Variants in CTNNA2 observed in about 807,000 individuals in gnomAD.
The protein encoded by CTNNA2 is catenin alpha-2.
CTNNA2 carries 42 observed loss-of-function variants against 101.0 expected under a neutral mutation model. The observed-to-expected ratio is 0.42, with a 90% CI of 0.32 to 0.54. The LOEUF (loss-of-function observed/expected upper bound fraction) is 0.54. Ranked by LOEUF, CTNNA2 falls within the 20% of genes least tolerant of loss-of-function variation. CTNNA2 has a pLI of 0.14. For missense variants in CTNNA2, 871 were observed against 1,223.1 expected, an observed-to-expected ratio of 0.71 and a Z score of 4.29; for synonymous variants, 450 against 456.4, an observed-to-expected ratio of 0.99 and a Z score of 0.18.
rs541719830 is a variant in CTNNA2, at chr2:80,029,144, A to G, written c.1056+119347A>G. On this transcript the variant is annotated intron_variant, in intron 7 of 18. Coordinates refer to ENST00000402739, the MANE Select transcript of CTNNA2 (RefSeq NM_001282597.3). ...TTTGAGGTCTATTATAATGGATACT[A>G]TGACTACTACTGCTACTACGATTAC... Among the ~76,000 whole-genome samples the G allele has an allele frequency of 2.5e-4, 38 of 152,338 alleles. 2 individuals are homozygous for G. In the South Asian group the frequency reaches 7.9e-3, roughly 32 times the overall value.
intron 4 of CTNNA2, among the ~76,000 whole-genome samples, chr2:79,441,359 T>C (rs1051780452): frequency 1.3e-5 from 2 of 152,196 alleles, no homozygotes; most frequent in Non-Finnish European, 2.9e-5. Flanking sequence ...TTTTATGGTT[T>C]CATGCAGTAT....
intron 2 of CTNNA2, among the ~76,000 whole-genome samples, chr2:79,198,917 A>T (rs570060316): frequency 6.6e-6 from 1 of 152,354 alleles, no homozygotes; most frequent in African/African-American, 2.4e-5. Flanking sequence ...AACTGGTAAG[A>T]TGTTACAATC....
chr2:79,353,956 C>T (rs1054079863), intron 3 of CTNNA2, among the ~76,000 whole-genome samples: 1 of 151,912 alleles, frequency 6.6e-6, no homozygotes, highest in Non-Finnish European at 1.5e-5. Context: ...AAATTAAATT[C>T]TTGGTTGGAA....
chr2:79,829,744 G>A (rs62140158), intron 3 of CTNNA2, among the ~76,000 whole-genome samples: 405 of 146,082 alleles, frequency 2.8e-3, no homozygotes, highest in Middle Eastern at 0.011. Context: ...TTTTGAGACG[G>A]AGTCTCGCTC....
At chr2:79,982,026 A>G (rs1057169296) in intron 7 of CTNNA2, among the ~76,000 whole-genome samples, 2 of 138,502 alleles carry the variant, frequency 1.4e-5, no homozygotes, top group Non-Finnish European at 3.2e-5. Context: ...GGTTCATGGT[A>G]GTGTTTTGTT....
intron 7 of CTNNA2, among the ~76,000 whole-genome samples, chr2:80,104,528 T>C (rs998126516): frequency 7.2e-5 from 11 of 152,162 alleles, no homozygotes; most frequent in African/African-American, 2.7e-4. Context: ...CAGAATACAA[T>C]TTTGTTTGTT....
chr2:80,291,911 T>G (rs1675296502), intron 7 of CTNNA2, among the ~76,000 whole-genome samples: 1 of 152,066 alleles, frequency 6.6e-6, no homozygotes, highest in African/African-American at 2.4e-5. Context: ...CAGAACAAAG[T>G]CAGTGAGTGG....
At chr2:80,638,349 G>C (rs1673091659) in intron 18 of CTNNA2, among the ~76,000 whole-genome samples, 1 of 152,114 alleles carries the variant, frequency 6.6e-6, no homozygotes, top group African/African-American at 2.4e-5. Flanking sequence ...AAAGCCCATT[G>C]GCTCTTCTCT....
intron 2 of CTNNA2, among the ~76,000 whole-genome samples, chr2:79,280,146 G>A (rs982562538): frequency 6.6e-6 from 1 of 152,064 alleles, no homozygotes; most frequent in African/African-American, 2.4e-5. Flanking sequence ...GGGATACGGA[G>A]GTTCACCATT....
chr2:79,480,404 C>T (rs188568815), intron 4 of CTNNA2, among the ~76,000 whole-genome samples: 1 of 152,246 alleles, frequency 6.6e-6, no homozygotes, highest in East Asian at 1.9e-4. Context: ...AATTATTGTC[C>T]TAGGCATCCA....
At chr2:79,874,633 C>A (rs978013860) in intron 6 of CTNNA2, among the ~76,000 whole-genome samples, 3 of 152,080 alleles carry the variant, frequency 2.0e-5, no homozygotes, top group Non-Finnish European at 2.9e-5. Flanking sequence ...ATGGAGAAAC[C>A]CCGTCTCTAC....
At chr2:80,429,045 T>G (rs1681247878) in intron 9 of CTNNA2, among the ~76,000 whole-genome samples, 1 of 152,192 alleles carries the variant, frequency 6.6e-6, no homozygotes, top group African/African-American at 2.4e-5. Context: ...AGAGCTATTT[T>G]GTTCAGCTCA....
intron 1 of CTNNA2, among the ~76,000 whole-genome samples, chr2:79,527,048 G>A (rs1260202845): frequency 6.6e-6 from 1 of 152,044 alleles, no homozygotes; most frequent in Non-Finnish European, 1.5e-5. Context: ...TCAAAGGACA[G>A]CATCAGGAAA....
intron 3 of CTNNA2, among the ~76,000 whole-genome samples, chr2:79,846,246 G>A (rs1240324133): frequency 6.6e-6 from 1 of 152,116 alleles, no homozygotes; most frequent in Non-Finnish European, 1.5e-5. Flanking sequence ...TCTGAGAATT[G>A]TTCCTGTGCT....
At chr2:79,874,384 GT>G in intron 6 of CTNNA2, 42 bp downstream of exon 6, 2 of 1,562,104 alleles carry the variant, frequency 1.3e-6, no homozygotes, top group Admixed American at 3.8e-5. Flanking sequence ...GGGCACTGGT[GT>G]TGACAAAAAA....
chr2:79,625,173 C>A (rs1409676931), intron 1 of CTNNA2, among the ~76,000 whole-genome samples: 1 of 151,830 alleles, frequency 6.6e-6, no homozygotes, highest in Non-Finnish European at 1.5e-5. Context: ...GTTACTGGAT[C>A]CTAATATTGG....
At chr2:79,205,012 CAG>C (rs1229780961) in intron 2 of CTNNA2, among the ~76,000 whole-genome samples, 1 of 152,218 alleles carries the variant, frequency 6.6e-6, no homozygotes, top group Non-Finnish European at 1.5e-5. Context: ...CATCAGAAAG[CAG>C]AGTTTAGTTT....
chr2:79,439,394 G>C (rs546556347), intron 4 of CTNNA2, among the ~76,000 whole-genome samples: 1 of 152,290 alleles, frequency 6.6e-6, no homozygotes, highest in Non-Finnish European at 1.5e-5. Flanking sequence ...AAGTGGATTT[G>C]TGGTTTCTAA....
chr2:80,530,310 T>C (rs939239967), intron 9 of CTNNA2, among the ~76,000 whole-genome samples: 15 of 152,170 alleles, frequency 9.9e-5, no homozygotes, highest in African/African-American at 3.6e-4. Flanking sequence ...CAAGGAGCTG[T>C]TGCAATTGCA....
Sources: gnomAD v4.1 joint callset for allele counts (sites outside exome capture counted in the v4.1 genomes callset) on GRCh38, gnomAD v4.1.1 for gene constraint, MANE v1.5 for transcripts, NCBI Gene and HGNC (gene_info 2026-07-23, HGNC 2026-07-21) for gene names.